GNL2: variants seen among roughly 807,000 people sequenced by gnomAD.
GNL2 encodes nucleolar GTP-binding protein 2.
Under a neutral mutation model 92.3 loss-of-function variants are expected in GNL2, and 51 were observed. The ratio of observed to expected loss-of-function variants is 0.55; its 90% confidence interval spans 0.44 to 0.70. GNL2 has a LOEUF of 0.70. Among genes scored for constraint, GNL2 ranks in the 30% least tolerant of loss-of-function variants. The pLI, the probability that GNL2 is intolerant of heterozygous loss-of-function variation, is 0.00. For synonymous variants in GNL2, 283 were observed against 300.6 expected (o/e 0.94, Z 0.61); for missense variants, 844 against 895.6 (o/e 0.94, Z 0.74).
intron 6 of GNL2, 131 bp from the exon 7 acceptor site, chr1:37,583,067 G>A (rs981154731): frequency 5.0e-5 from 28 of 563,900 alleles, no homozygotes; most frequent in South Asian, 1.3e-4. Flanking sequence ...GGCAGAGTTC[G>A]TTGTGGCTAA....
chr1:37,584,942 C>T (rs113610814), intron 5 of GNL2, among the ~76,000 whole-genome samples: 3,268 of 151,618 alleles, frequency 0.022, 132 homozygotes, highest in South Asian at 0.21. Context: ...ATTAGCCAGA[C>T]GTGGTGGCGG....
chr1:37,573,609 C>T (rs1164809875), intron 12 of GNL2, among the ~76,000 whole-genome samples: 1 of 152,158 alleles, frequency 6.6e-6, no homozygotes, highest in South Asian at 2.1e-4. Flanking sequence ...GGCACATAGT[C>T]GATGCTAATA....
intron 3 of GNL2, among the ~76,000 whole-genome samples, chr1:37,591,687 G>C (rs1237120128): frequency 1.3e-5 from 2 of 151,968 alleles, no homozygotes; most frequent in Non-Finnish European, 2.9e-5. Context: ...TGTATATTTA[G>C]TAGAGATGGG....
At position 37,569,289 on chromosome 1, in the gene GNL2, G is replaced by A. The variant is rs768770314; in HGVS notation, c.1430C>T (p.Ser477Leu). The A allele has an allele frequency of 1.2e-5, 19 of 1,609,284 alleles. No homozygotes were observed. The highest frequency in any genetic ancestry group is 3.3e-4 in the Middle Eastern group (2 of 6,060). ...PLVAPQLLPS[S>L]SLEVVPEAAQ... ...TGCTTCTGGGACAACTTCCAAAGATGAGGAGGGTAGAAGCTATTAAGGGGT... is the reference window on the plus strand; with the variant it reads ...TGCTTCTGGGACAACTTCCAAAGATAAGGAGGGTAGAAGCTATTAAGGGGT... Residue 477 changes from serine to leucine, a missense_variant, in exon 13 of 16, where the codon TCA (serine) becomes TTA (leucine). Coordinates refer to ENST00000373062, the MANE Select transcript of GNL2 (RefSeq NM_013285.3).
chr1:37,576,513 T>C lies in GNL2; in HGVS notation c.953A>G (p.Tyr318Cys). 3.7e-6 allele frequency: 6 copies of C among 1,614,110 alleles called. No homozygotes were observed. The highest frequency in any genetic ancestry group is 4.2e-6 in the Non-Finnish European group (5 of 1,179,926). ...CACAGAGCTCTTGCCAACATTTGGA[T>C]AGCCAATGAACCCAACACTGATCTG... ...KKQISVGFIGYPNVGKSSVIN... is the reference protein window; with the variant it reads ...KKQISVGFIGCPNVGKSSVIN... The change falls in exon 9 of 16, where the codon TAT (tyrosine) becomes TGT (cysteine). Residue 318 changes from tyrosine to cysteine, a missense_variant. Physicochemically the swap from Tyr to Cys is radical, Grantham distance 194. Transcript: ENST00000373062.
At position 37,574,357 on chromosome 1, in the gene GNL2, G is replaced by A. The variant is rs1643642312; in HGVS notation, c.1402C>T (p.Leu468Phe). ...FFVKPPNAEP[L>F]VAPQLLPSSS... ...CCTGCTCTTACCTGGGGGGCCACAA[G>A]TGGCTCTGCATTGGGTGGCTTGACA... is the stretch of plus-strand genomic sequence containing the variant. The change falls in exon 12 of 16, where the codon CTT becomes TTT. Residue 468 changes from leucine to phenylalanine, a missense_variant. By Grantham distance (22) the Leu-to-Phe change is conservative. Transcript: ENST00000373062. 6.2e-7 allele frequency: 1 copy of A among 1,613,610 alleles called. No individual in the cohort carries two copies. The highest frequency in any genetic ancestry group is 1.3e-5 in the African/African-American group (1 of 75,050).
intron 3 of GNL2, 149 bp from the exon 4 acceptor site, chr1:37,590,994 A>G (rs3737749): frequency 0.068 from 46,075 of 678,780 alleles, 1,944 homozygotes; most frequent in South Asian, 0.14. Flanking sequence ...AACTTAAAAG[A>G]GGAAAAAACC....
At chr1:37,568,746 A>C in intron 13 of GNL2, 105 bp downstream of exon 13, 1 of 822,880 alleles carries the variant, frequency 1.2e-6, no homozygotes, top group Non-Finnish European at 2.0e-6. Flanking sequence ...CCAACCGAAC[A>C]AACAAATGGC....
intron 13 of GNL2, 177 bp from the exon 14 acceptor site, chr1:37,568,534 T>G (rs1328779064): frequency 1.6e-6 from 1 of 606,984 alleles, no homozygotes; most frequent in East Asian, 2.7e-5. Flanking sequence ...TTCTAAAGCT[T>G]CTCATACTGC....
At chr1:37,581,523 G>A (rs1159820203) in intron 8 of GNL2, 7 of 455,996 alleles carry the variant, frequency 1.5e-5, no homozygotes, top group South Asian at 1.1e-4. Context: ...GCCCAGCAGA[G>A]CGTGGAACGT....
intron 4 of GNL2, among the ~76,000 whole-genome samples, chr1:37,588,997 C>G (rs1570071323): frequency 6.6e-6 from 1 of 152,206 alleles, no homozygotes; most frequent in African/African-American, 2.4e-5. Context: ...GCACTGACAA[C>G]AAGTACAGGC....
At chr1:37,587,757 A>G (rs1349997116) in intron 4 of GNL2, among the ~76,000 whole-genome samples, 2 of 152,234 alleles carry the variant, frequency 1.3e-5, no homozygotes, top group African/African-American at 2.4e-5. Context: ...AGTAAATATG[A>G]ATAGTTGTAC....
In GNL2 at chr1:37,577,800, G is replaced by T. The variant is rs550673041; in HGVS notation, c.910-1244C>A. On this transcript the variant is annotated intron_variant, in intron 8 of 15. Coordinates refer to ENST00000373062, the MANE Select transcript of GNL2 (RefSeq NM_013285.3). ...CTTCTCCATCCCCTCCCTCATTCAGGGTGGGCACACAACTTCTCTACTCTC... is the reference window on the plus strand; with the variant it reads ...CTTCTCCATCCCCTCCCTCATTCAGTGTGGGCACACAACTTCTCTACTCTC... Among the ~76,000 whole-genome samples the T allele has an allele frequency of 2.6e-5, 4 of 152,224 alleles. 1 individual carries two copies. In the South Asian group the frequency reaches 8.3e-4, roughly 32 times the overall value.
intron 3 of GNL2, among the ~76,000 whole-genome samples, chr1:37,592,142 G>A (rs940392352): frequency 9.2e-5 from 14 of 152,210 alleles, no homozygotes; most frequent in Non-Finnish European, 1.3e-4. Context: ...CATCTAAAGT[G>A]CCCATACATT....
chr1:37,573,771 C>T (rs906994011), intron 12 of GNL2, among the ~76,000 whole-genome samples: 3 of 152,202 alleles, frequency 2.0e-5, no homozygotes, highest in African/African-American at 7.2e-5. Flanking sequence ...TCTCATATGT[C>T]TACTTATTAG....
chr1:37,594,521 C>A (rs936376765), intron 1 of GNL2, among the ~76,000 whole-genome samples: 3 of 152,094 alleles, frequency 2.0e-5, no homozygotes, highest in Non-Finnish European at 4.4e-5. Context: ...CCTTTATTTA[C>A]CTATTTATTC....
intron 5 of GNL2, among the ~76,000 whole-genome samples, chr1:37,584,446 C>CA (rs1353088031): frequency 3.0e-5 from 3 of 100,680 alleles, no homozygotes; most frequent in African/African-American, 6.7e-5. Flanking sequence ...GACCCTGTCT[C>CA]AAAAAATAAT....
chr1:37,568,725 AAAC>A, intron 13 of GNL2, 123 bp downstream of exon 13: 1 of 753,172 alleles, frequency 1.3e-6, no homozygotes, highest in Non-Finnish European at 2.3e-6. Flanking sequence ...AAAAACAAAC[AAAC>A]AAAAAACCCA....
chr1:37,594,127 C>T (rs1643906697), intron 1 of GNL2: 1 of 362,838 alleles, frequency 2.8e-6, no homozygotes, highest in South Asian at 4.2e-5. Flanking sequence ...AAATTATAGG[C>T]ATCATCTGAT....
Sources: allele counts gnomAD v4.1 joint callset (sites outside exome capture counted in the v4.1 genomes callset), GRCh38; gene constraint gnomAD v4.1.1; transcripts MANE v1.5; gene names NCBI Gene and HGNC (gene_info 2026-07-23, HGNC 2026-07-21).